The following SENP7 variants were observed in gnomAD, a reference collection of about 807,000 sequenced individuals.
SENP7 encodes the protein sentrin-specific protease 7.
SENP7 carries 64 observed loss-of-function variants against 141.2 expected under a neutral mutation model. The observed-to-expected ratio is 0.45, with a 90% confidence interval of 0.37 to 0.56. The LOEUF is 0.56. Ranked by LOEUF, SENP7 falls within the 20% of genes least tolerant of loss-of-function variation. SENP7 has a pLI of 0.00. For missense variants in SENP7, 1,025 were observed against 1,212.2 expected, an observed-to-expected ratio of 0.85 and a Z score of 2.29; for synonymous variants, 382 against 426.4, an observed-to-expected ratio of 0.90 and a Z score of 1.28.
At chr3:101,337,202 A>C (rs1459500555) in intron 17 of SENP7, 1 of 173,434 alleles carries the variant, frequency 5.8e-6, no homozygotes, top group African/African-American at 2.4e-5. Context: ...CACTGTCAGA[A>C]TCATTTCCCA....
chr3:101,504,853 T>C (rs2065530988), intron 1 of SENP7, among the ~76,000 whole-genome samples: 2 of 151,996 alleles, frequency 1.3e-5, no homozygotes, highest in African/African-American at 4.8e-5. Flanking sequence ...ACCCTGTCTC[T>C]AAAAATATTT....
intron 4 of SENP7, among the ~76,000 whole-genome samples, chr3:101,446,555 CAT>C (rs1195333453): frequency 5.1e-4 from 78 of 152,224 alleles, no homozygotes; most frequent in Admixed American, 1.2e-3. Context: ...AAACTGAAAT[CAT>C]ATAAAGTATC....
At chr3:101,338,596 T>C (rs879592668) in intron 16 of SENP7, among the ~76,000 whole-genome samples, 12 of 152,192 alleles carry the variant, frequency 7.9e-5, no homozygotes, top group African/African-American at 1.2e-4. Flanking sequence ...GAAAGAGCTA[T>C]ACAGAGAACT....
intron 17 of SENP7, among the ~76,000 whole-genome samples, chr3:101,336,883 G>GT (rs2059200076): frequency 6.6e-6 from 1 of 152,146 alleles, no homozygotes; most frequent in Admixed American, 6.5e-5. Flanking sequence ...AACAAATAGG[G>GT]TATTTCGTAT....
At chr3:101,437,659 T>C (rs143657738) in intron 4 of SENP7, among the ~76,000 whole-genome samples, 200 of 152,156 alleles carry the variant, frequency 1.3e-3, no homozygotes, top group African/African-American at 4.6e-3. Flanking sequence ...CAGTGAGCTA[T>C]GTGATCACAC....
intron 5 of SENP7, among the ~76,000 whole-genome samples, chr3:101,409,344 T>C (rs1197933510): frequency 2.6e-5 from 4 of 152,170 alleles, no homozygotes; most frequent in Non-Finnish European, 4.4e-5. Flanking sequence ...GAATCAATAT[T>C]GTGAAAATGA....
intron 5 of SENP7, among the ~76,000 whole-genome samples, chr3:101,404,894 G>A (rs1437425519): frequency 6.6e-6 from 1 of 152,212 alleles, no homozygotes; most frequent in Non-Finnish European, 1.5e-5. Context: ...AGAAAACAAT[G>A]TGAAGAGACA....
chr3:101,456,153 T>C (rs1157752018), intron 4 of SENP7, among the ~76,000 whole-genome samples: 2 of 129,338 alleles, frequency 1.5e-5, no homozygotes, highest in African/African-American at 5.3e-5. Flanking sequence ...ATTAGTTATA[T>C]ATATAAAAGA....
At chr3:101,418,627 A>T (rs1341027156) in intron 4 of SENP7, among the ~76,000 whole-genome samples, 1 of 152,036 alleles carries the variant, frequency 6.6e-6, no homozygotes, top group Non-Finnish European at 1.5e-5. Context: ...AACAAACACA[A>T]GAATATTAAG....
At chr3:101,509,365 A>G (rs2065756812) in intron 1 of SENP7, among the ~76,000 whole-genome samples, 1 of 152,114 alleles carries the variant, frequency 6.6e-6, no homozygotes, top group Non-Finnish European at 1.5e-5. Flanking sequence ...CACTCTTACC[A>G]TCAGTAAAAG....
intron 4 of SENP7, among the ~76,000 whole-genome samples, chr3:101,436,324 A>G (rs1487743578): frequency 2.0e-5 from 3 of 152,212 alleles, no homozygotes; most frequent in African/African-American, 7.2e-5. Flanking sequence ...AACTACTACA[A>G]GAAAACACTG....
Position 101,398,850 on chromosome 3 carries a change from A to T in SENP7, c.677+11T>A. On this transcript the variant is annotated intron_variant, in intron 6 of 23. Transcript: ENST00000394095. ...TATAATTATTTTGAGTAAAGTTATCACTAAACATACCTTTCAGATAAATAA... is the reference window on the plus strand; with the variant it reads ...TATAATTATTTTGAGTAAAGTTATCTCTAAACATACCTTTCAGATAAATAA... 6.6e-7 allele frequency: 1 copy of T among 1,522,910 alleles called. No homozygotes were observed. The highest frequency in any genetic ancestry group is 8.9e-7 in the Non-Finnish European group (1 of 1,123,632). The allele number at this position is 1,522,910 out of a possible 1,614,324, so 94.3% of individuals were successfully genotyped here.
In SENP7 at chr3:101,347,904, G is replaced by T. The variant is rs750744627; in HGVS notation, c.1805C>A (p.Thr602Asn). Residue 602 changes from threonine (T) to asparagine (N), a missense_variant, in exon 13 of 24, where the codon ACC becomes AAC. Physicochemically the swap from Thr to Asn is moderately conservative, Grantham distance 65. Transcript: ENST00000394095. ...VSSDYLQEIQ[T>N]QLEHSVLSQQ... ...GCTTAATACAGAGTGTTCTAATTGG[G>T]TCTGAATCTCTTGAAGATAATCTGA... is the stretch of plus-strand genomic sequence containing the variant. 3 of 1,598,632 alleles carry T rather than the reference G, an allele frequency of 1.9e-6. No homozygotes were observed. In the East Asian group the frequency reaches 6.7e-5, roughly 36 times the overall value.
At chr3:101,332,682 A>C in intron 18 of SENP7, 88 bp downstream of exon 18, 2 of 805,978 alleles carry the variant, frequency 2.5e-6, no homozygotes, top group Non-Finnish European at 3.6e-6. Flanking sequence ...ATGTGGCCAT[A>C]ATTTTTACTG....
At position 101,372,094 on chromosome 3, in the gene SENP7, T is replaced by C; in HGVS notation, c.710A>G (p.Asn237Ser). The change falls in exon 7 of 24, where the codon AAT (asparagine) becomes AGT (serine). Residue 237 changes from asparagine to serine, a missense_variant. Physicochemically the swap from Asn to Ser is conservative, Grantham distance 46. Transcript: ENST00000394095. ...ATTGTGCGCAGTCTGCTTTGCAGAA[T>C]TGTCATCTACTGTCTTACTTCGTTG... ...GSQRSKTVDD[N>S]SAKQTAHNKE... 6.4e-7 allele frequency: 1 copy of C among 1,565,734 alleles called. No homozygotes were observed. The highest frequency in any genetic ancestry group is 8.7e-7 in the Non-Finnish European group (1 of 1,148,798).
chr3:101,338,722 T>C (rs2059252895), intron 16 of SENP7, among the ~76,000 whole-genome samples: 1 of 152,142 alleles, frequency 6.6e-6, no homozygotes, highest in South Asian at 2.1e-4. Context: ...GAGAGAATGA[T>C]ACCAAGTGCT....
chr3:101,332,091 T>A lies in SENP7; in HGVS notation c.2592A>T (p.Ala864=). Residue 864 remains alanine (A), a synonymous_variant, in exon 19 of 24, where the codon GCA becomes GCT. Coordinates refer to ENST00000394095, the MANE Select transcript of SENP7 (RefSeq NM_020654.5). The part of the protein sequence containing the change: ...PVNESSHWYL[A]VICFPWLEEA... The stretch of plus-strand genomic sequence containing the variant: ...CTTCTAACCATGGAAAACAAATGAC[T>A]GCGAGATACCAGTGAGACCTGTTGA... 6.2e-7 allele frequency: 1 copy of A among 1,613,322 alleles called. No individual in the cohort carries two copies. Among genetic ancestry groups the A allele is most frequent in the African/African-American group, 1.3e-5 (1 of 74,992 alleles).
chr3:101,386,143 A>G (rs1351023793), intron 6 of SENP7, among the ~76,000 whole-genome samples: 1 of 152,184 alleles, frequency 6.6e-6, no homozygotes, highest in Non-Finnish European at 1.5e-5. Context: ...ATAACCACCT[A>G]TCAAATAGAG....
intron 12 of SENP7, among the ~76,000 whole-genome samples, chr3:101,350,820 T>C (rs2059594424): frequency 6.6e-6 from 1 of 151,956 alleles, no homozygotes; most frequent in African/African-American, 2.4e-5. Flanking sequence ...ATATTTCCTA[T>C]TTAGGACTAT....
Sources: allele counts gnomAD v4.1 joint callset (sites outside exome capture counted in the v4.1 genomes callset), GRCh38; gene constraint gnomAD v4.1.1; transcripts MANE v1.5; gene names NCBI Gene and HGNC (gene_info 2026-07-23, HGNC 2026-07-21).